DCC: variants seen among roughly 807,000 people sequenced by gnomAD.
The protein encoded by DCC is netrin receptor DCC.
DCC carries 58 observed loss-of-function variants against 172.5 expected under a neutral mutation model. The ratio of observed to expected loss-of-function variants is 0.34; its 90% confidence interval spans 0.27 to 0.42. The LOEUF (loss-of-function observed/expected upper bound fraction) is 0.42, where lower values mean the gene tolerates loss of function less well. Among genes scored for constraint, DCC ranks in the 10% least tolerant of loss-of-function variants. The pLI, the probability that DCC is intolerant of heterozygous loss-of-function variation, is 1.00. For synonymous variants in DCC, 709 were observed against 644.5 expected (o/e 1.10, Z -1.52); for missense variants, 1,740 against 1,791.0 (o/e 0.97, Z 0.51).
At chr18:52,413,982 G>C (rs1986929976) in intron 1 of DCC, among the ~76,000 whole-genome samples, 1 of 152,042 alleles carries the variant, frequency 6.6e-6, no homozygotes, top group Admixed American at 6.6e-5. Flanking sequence ...ATAGCTATTT[G>C]TGTTTATCAC....
At chr18:52,483,136 C>G (rs79212256) in intron 1 of DCC, among the ~76,000 whole-genome samples, 3,911 of 152,134 alleles carry the variant, frequency 0.026, 151 homozygotes, top group East Asian at 0.1. Flanking sequence ...TCTCCTGTAT[C>G]TCTGCGAAAT....
In DCC at chr18:52,647,978, A is replaced by G. The variant is rs762824142; in HGVS notation, c.92-104076A>G. On this transcript the variant is annotated intron_variant, in intron 1 of 28. Transcript: ENST00000442544. ...AAGAGAGAATTGATTTTGATGCAAAAGATTCTAAAAAAATGTTTATGGATG... is the reference window on the plus strand; with the variant it reads ...AAGAGAGAATTGATTTTGATGCAAAGGATTCTAAAAAAATGTTTATGGATG... Among the ~76,000 whole-genome samples the G allele has an allele frequency of 2.6e-4, 39 of 152,238 alleles. 1 individual carries two copies. The highest frequency in any genetic ancestry group is 4.8e-4 in the Non-Finnish European group (33 of 68,046).
At chr18:53,196,180 C>CT (rs929124045) in intron 9 of DCC, among the ~76,000 whole-genome samples, 26 of 152,174 alleles carry the variant, frequency 1.7e-4, no homozygotes, top group Middle Eastern at 3.4e-3. Context: ...TTGGGTGAAA[C>CT]TTTAAGTTTT....
intron 2 of DCC, among the ~76,000 whole-genome samples, chr18:52,848,376 C>G: frequency 6.6e-6 from 1 of 152,112 alleles, no homozygotes; most frequent in East Asian, 1.9e-4. Context: ...CGTGTGCTAC[C>G]ATGCCCGGCC....
chr18:53,170,223 C>T (rs1405568874), intron 8 of DCC, among the ~76,000 whole-genome samples: 2 of 152,186 alleles, frequency 1.3e-5, no homozygotes, highest in Non-Finnish European at 2.9e-5. Flanking sequence ...GTGGGGACAT[C>T]AGATACCATA....
intron 21 of DCC, among the ~76,000 whole-genome samples, chr18:53,419,080 G>T (rs1221676565): frequency 6.6e-6 from 1 of 152,040 alleles, no homozygotes; most frequent in Non-Finnish European, 1.5e-5. Flanking sequence ...TGTAGGGTTG[G>T]GTAAGGAAAT....
At chr18:52,723,989 G>A (rs117958980) in intron 1 of DCC, among the ~76,000 whole-genome samples, 7,428 of 152,214 alleles carry the variant, frequency 0.049, 236 homozygotes, top group Middle Eastern at 0.13. Context: ...TCTGCAAGCT[G>A]AAACTCTTCA....
At chr18:52,800,448 A>C (rs2037963180) in intron 2 of DCC, among the ~76,000 whole-genome samples, 1 of 152,224 alleles carries the variant, frequency 6.6e-6, no homozygotes, top group Admixed American at 6.5e-5. Context: ...GCAGCATCTT[A>C]TCTTTCAATG....
chr18:53,178,469 C>G (rs17408063), intron 8 of DCC, among the ~76,000 whole-genome samples: 8,947 of 152,240 alleles, frequency 0.059, 308 homozygotes, highest in Middle Eastern at 0.088. Context: ...AGGCTCCATA[C>G]ATAGAACACT....
At chr18:52,425,073 C>T (rs1987379394) in intron 1 of DCC, among the ~76,000 whole-genome samples, 1 of 152,018 alleles carries the variant, frequency 6.6e-6, no homozygotes, top group Non-Finnish European at 1.5e-5. Context: ...TCTAATCATC[C>T]ATTTTTTTCC....
At chr18:52,706,886 T>A (rs757473408) in intron 1 of DCC, among the ~76,000 whole-genome samples, 14 of 152,030 alleles carry the variant, frequency 9.2e-5, no homozygotes, top group Non-Finnish European at 1.6e-4. Flanking sequence ...TTTCTGAGTA[T>A]AGGGCAAGGG....
chr18:52,930,772 T>G (rs902583853), intron 5 of DCC, among the ~76,000 whole-genome samples: 6 of 152,190 alleles, frequency 3.9e-5, no homozygotes, highest in Admixed American at 3.9e-4. Flanking sequence ...ACTCTTTATG[T>G]AAGAATAATA....
At chr18:53,505,228 CAGTCTGTCTGTCG>C (rs1711638395) in intron 27 of DCC, 1 of 33,764 alleles carries the variant, frequency 3.0e-5, no homozygotes, top group African/African-American at 3.2e-4. Flanking sequence ...CTCACCTGTC[CAGTCTGTCTGTCG>C]AGTATCCCTC....
chr18:53,242,574 C>A (rs1179301712), intron 12 of DCC, among the ~76,000 whole-genome samples: 1 of 152,096 alleles, frequency 6.6e-6, no homozygotes, highest in Non-Finnish European at 1.5e-5. Context: ...AGTATTTATT[C>A]TTATTGGGGA....
At chr18:52,519,069 G>A (rs941581779) in intron 1 of DCC, among the ~76,000 whole-genome samples, 7 of 152,284 alleles carry the variant, frequency 4.6e-5, no homozygotes, top group Admixed American at 2.6e-4. Flanking sequence ...TATGTAGAAA[G>A]GTTTCCTCCT....
At chr18:52,524,739 A>G (rs62081333) in intron 1 of DCC, among the ~76,000 whole-genome samples, 44,162 of 152,098 alleles carry the variant, frequency 0.29, 7,386 homozygotes, top group Non-Finnish European at 0.39. Flanking sequence ...ATCCTTATTA[A>G]CAACTTTGCA....
intron 14 of DCC, among the ~76,000 whole-genome samples, chr18:53,335,397 A>G (rs1289196688): frequency 6.6e-6 from 1 of 152,168 alleles, no homozygotes; most frequent in East Asian, 1.9e-4. Flanking sequence ...AACTACAACT[A>G]GTATATAGGA....
At chr18:52,552,897 C>T (rs982490703) in intron 1 of DCC, among the ~76,000 whole-genome samples, 2 of 151,972 alleles carry the variant, frequency 1.3e-5, no homozygotes, top group Admixed American at 1.3e-4. Context: ...AAAAATAGCA[C>T]ATACACCAAA....
rs74178680 is a variant in DCC, at chr18:52,664,470, C to CTTTTTTTTTTTT, written c.92-87579_92-87578insTTTTTTTTTTTT. ...CAAATATCTTTTTTCTTTTCTTTTT[C>CTTTTTTTTTTTT]TTTTTCTTTTTTTTTTTTTTTTGAG... On this transcript the variant is annotated intron_variant, in intron 1 of 28. Transcript: ENST00000442544. Among the ~76,000 whole-genome samples the CTTTTTTTTTTTT allele has an allele frequency of 1.7e-3, 169 of 99,782 alleles. 5 individuals are homozygous for CTTTTTTTTTTTT. Among genetic ancestry groups the CTTTTTTTTTTTT allele is most frequent in the Non-Finnish European group, 2.0e-3 (103 of 52,326 alleles). 65.5% of individuals were successfully genotyped at this position (99,782 alleles called of 152,430 possible).
Sources: allele counts gnomAD v4.1 joint callset (sites outside exome capture counted in the v4.1 genomes callset), GRCh38; gene constraint gnomAD v4.1.1; transcripts MANE v1.5; gene names NCBI Gene and HGNC (gene_info 2026-07-23, HGNC 2026-07-21).